AKAP13: variants seen among roughly 807,000 people sequenced by gnomAD.
AKAP13 encodes the protein A-kinase anchor protein 13.
In AKAP13, 80 loss-of-function variants were observed where a neutral mutation model predicts 264.5. The ratio of observed to expected loss-of-function variants is 0.30; its 90% confidence interval spans 0.25 to 0.36. The LOEUF (loss-of-function observed/expected upper bound fraction) is 0.36, where lower values mean the gene tolerates loss of function less well. Among genes scored for constraint, AKAP13 ranks in the 10% least tolerant of loss-of-function variants. The pLI, the probability that AKAP13 is intolerant of heterozygous loss-of-function variation, is 1.00. For synonymous variants in AKAP13, 1,380 were observed against 1,250.2 expected, an observed-to-expected ratio of 1.10 and a Z score of -2.19; for missense variants, 3,712 against 3,435.2, an observed-to-expected ratio of 1.08 and a Z score of -2.01.
At chr15:85,386,013 T>TG (rs2070540657) in intron 1 of AKAP13, among the ~76,000 whole-genome samples, 1 of 151,792 alleles carries the variant, frequency 6.6e-6, no homozygotes, top group Non-Finnish European at 1.5e-5. Context: ...TTAGTAGAGA[T>TG]GGGGCTTTTC....
rs368989220 is a variant in AKAP13 at position 85,508,297 on chromosome 15, C to T, written c.34-13131C>T. On this transcript the variant is annotated intron_variant, in intron 2 of 36. Transcript: ENST00000394518. ...TAGCTGGGATACAGGCATGCACTAC[C>T]GTGTCTGGCTAATTTTTGTATTTTT... is the stretch of plus-strand genomic sequence containing the variant. Among the ~76,000 whole-genome samples the T allele has an allele frequency of 1.1e-4, 17 of 152,066 alleles. No individual in the cohort carries two copies. In the East Asian group the frequency reaches 1.9e-3, roughly 17 times the overall value.
chr15:85,551,340 G>C (rs1038376171), intron 5 of AKAP13, among the ~76,000 whole-genome samples: 1 of 152,208 alleles, frequency 6.6e-6, no homozygotes, highest in Non-Finnish European at 1.5e-5. Context: ...TGTATTCGTT[G>C]CTAGGTATTT....
At chr15:85,575,382 T>C in intron 6 of AKAP13, 53 bp downstream of exon 6, 1 of 1,513,682 alleles carries the variant, frequency 6.6e-7, no homozygotes, top group Non-Finnish European at 9.2e-7. Context: ...GTGTGTGTTT[T>C]GTATGTGTGT....
chr15:85,577,274 G>A (rs115273178), intron 6 of AKAP13, among the ~76,000 whole-genome samples: 2,098 of 152,324 alleles, frequency 0.014, 61 homozygotes, highest in African/African-American at 0.048. Context: ...GTAGGTGAAT[G>A]AGAGGATGGA....
chr15:85,432,907 T>A (rs554559164), intron 1 of AKAP13, among the ~76,000 whole-genome samples: 57 of 152,004 alleles, frequency 3.7e-4, no homozygotes, highest in African/African-American at 1.3e-3. Context: ...CTCTGCCACC[T>A]CCCAGGTATA....
intron 8 of AKAP13, 43 bp downstream of exon 8, chr15:85,585,866 A>T (rs2079317325): frequency 6.2e-7 from 1 of 1,604,578 alleles, no homozygotes; most frequent in African/African-American, 1.3e-5. Flanking sequence ...AAATGTGTTT[A>T]TCCTGTTCTG....
intron 1 of AKAP13, among the ~76,000 whole-genome samples, chr15:85,396,070 T>C (rs1465670336): frequency 2.6e-5 from 4 of 152,102 alleles, no homozygotes; most frequent in African/African-American, 9.7e-5. Context: ...AACATACATG[T>C]ATATATTAAA....
At chr15:85,736,178 C>G (rs753848608) in intron 33 of AKAP13, 44 bp downstream of exon 33, 1 of 1,440,206 alleles carries the variant, frequency 6.9e-7, no homozygotes, top group Non-Finnish European at 9.6e-7. Flanking sequence ...TGTTTGTTGT[C>G]ATTGTCAAGT....
In AKAP13 at chr15:85,543,965, C is replaced by A; in HGVS notation, c.662+10C>A. 6.2e-7 allele frequency: 1 copy of A among 1,610,928 alleles called. No individual in the cohort carries two copies. The highest frequency in any genetic ancestry group is 1.1e-5 in the South Asian group (1 of 90,952). On this transcript the variant is annotated intron_variant, in intron 5 of 36. Coordinates refer to ENST00000394518, the MANE Select transcript of AKAP13 (RefSeq NM_007200.5). ...ACCAGCTTCTAACCGAGTAAGTGCT[C>A]CTTCTGCCTTATTTCCCTCCTCTCA...
At chr15:85,420,988 G>C (rs760312048) in intron 1 of AKAP13, among the ~76,000 whole-genome samples, 3 of 152,106 alleles carry the variant, frequency 2.0e-5, no homozygotes, top group Non-Finnish European at 4.4e-5. Context: ...TAGGACAGTT[G>C]AATTATGTGA....
chr15:85,420,198 C>T (rs1273927260), intron 1 of AKAP13, among the ~76,000 whole-genome samples: 1 of 151,882 alleles, frequency 6.6e-6, no homozygotes, highest in Non-Finnish European at 1.5e-5. Flanking sequence ...GCCTCGGCCT[C>T]CCAAAGTGCT....
At chr15:85,664,478 G>T in intron 12 of AKAP13, 85 bp from the exon 13 acceptor site, 8 of 1,341,808 alleles carry the variant, frequency 6.0e-6, no homozygotes, top group Non-Finnish European at 7.1e-6. Flanking sequence ...ACAAACAAGG[G>T]AGATATACCC....
intron 1 of AKAP13, among the ~76,000 whole-genome samples, chr15:85,470,811 T>G (rs141834245): frequency 3.3e-4 from 51 of 152,360 alleles, no homozygotes; most frequent in Non-Finnish European, 6.5e-4. Context: ...TATGTTACTT[T>G]GGAGATGTGG....
intron 14 of AKAP13, among the ~76,000 whole-genome samples, chr15:85,676,593 A>G (rs1206282889): frequency 6.6e-6 from 1 of 152,196 alleles, no homozygotes; most frequent in Non-Finnish European, 1.5e-5. Context: ...AGTGTGTTGT[A>G]TGCAGATCGT....
chr15:85,448,814 T>G (rs2073986412), intron 1 of AKAP13, among the ~76,000 whole-genome samples: 1 of 151,920 alleles, frequency 6.6e-6, no homozygotes, highest in Non-Finnish European at 1.5e-5. Context: ...TCCAGCTTTG[T>G]TCTTTTTGCT....
intron 1 of AKAP13, among the ~76,000 whole-genome samples, chr15:85,441,077 A>G (rs772318331): frequency 3.3e-5 from 5 of 152,230 alleles, no homozygotes; most frequent in Admixed American, 2.6e-4. Flanking sequence ...TCACATATGT[A>G]GATACCTAGG....
At chr15:85,492,981 T>C (rs2151074371) in intron 2 of AKAP13, among the ~76,000 whole-genome samples, 1 of 152,304 alleles carries the variant, frequency 6.6e-6, no homozygotes, top group Middle Eastern at 3.4e-3. Context: ...TTGTTCACTT[T>C]CCCCCTCTAA....
intron 1 of AKAP13, among the ~76,000 whole-genome samples, chr15:85,386,377 T>G (rs1236886731): frequency 6.6e-6 from 1 of 151,784 alleles, no homozygotes; most frequent in Non-Finnish European, 1.5e-5. Flanking sequence ...CACTGGAATC[T>G]CCGCCTCCCG....
chr15:85,481,137 A>G (rs1325708434), intron 1 of AKAP13: 2 of 152,012 alleles, frequency 1.3e-5, no homozygotes, highest in African/African-American at 4.8e-5. Context: ...AACCAATCAC[A>G]CAGCCATATA....
Sources: allele counts gnomAD v4.1 joint callset (sites outside exome capture counted in the v4.1 genomes callset), GRCh38; gene constraint gnomAD v4.1.1; transcripts MANE v1.5; gene names NCBI Gene and HGNC (gene_info 2026-07-23, HGNC 2026-07-21).